The following GALNT18 variants were observed in gnomAD, a reference collection of about 807,000 sequenced individuals.
The protein encoded by GALNT18 is GalNAc-transferase 18.
GALNT18 carries 44 observed loss-of-function variants against 69.5 expected under a neutral mutation model. The observed-to-expected ratio is 0.63, with a 90% CI of 0.50 to 0.81. The LOEUF (loss-of-function observed/expected upper bound fraction) is 0.81, where lower values mean the gene tolerates loss of function less well. GALNT18 is among the 40% of genes least tolerant of loss of function. The pLI is 0.00. For synonymous variants in GALNT18, 364 were observed against 318.2 expected, an observed-to-expected ratio of 1.14 and a Z score of -1.53; for missense variants, 715 against 810.0, an observed-to-expected ratio of 0.88 and a Z score of 1.42.
intron 3 of GALNT18, among the ~76,000 whole-genome samples, chr11:11,417,687 C>A (rs923979825): frequency 6.6e-6 from 1 of 152,176 alleles, no homozygotes; most frequent in African/African-American, 2.4e-5. Flanking sequence ...TGCATCGGCC[C>A]ACATCCCATA....
chr11:11,497,955 T>A lies in GALNT18; in HGVS notation c.236-49019A>T, dbSNP rs967692562. Among the ~76,000 whole-genome samples, 3 of 152,006 alleles carry A rather than the reference T, an allele frequency of 2.0e-5. No homozygotes were observed. The highest frequency in any genetic ancestry group is 4.4e-5 in the Non-Finnish European group (3 of 67,996). On this transcript the variant is annotated intron_variant, in intron 1 of 10. Transcript: ENST00000227756. The surrounding 1 kb of genome is among the most constrained non-coding windows in gnomAD (Gnocchi z 4.2). ...GGCCTTGTTCAGCTGGTAAAAAAAA[T>A]AAAAAATAAAATTATAATTCATGAC...
intron 1 of GALNT18, among the ~76,000 whole-genome samples, chr11:11,568,522 G>C (rs1042642864): frequency 6.6e-6 from 1 of 152,128 alleles, no homozygotes; most frequent in Non-Finnish European, 1.5e-5. Flanking sequence ...GAAAAAGGTA[G>C]GTTTAATGTT....
At chr11:11,553,272 CAG>C (rs534160094) in intron 1 of GALNT18, among the ~76,000 whole-genome samples, 2 of 152,318 alleles carry the variant, frequency 1.3e-5, no homozygotes, top group African/African-American at 4.8e-5. Flanking sequence ...CCCATGCCAC[CAG>C]GGCGCTGAGG....
chr11:11,388,609 T>C (rs1403361769), intron 3 of GALNT18, among the ~76,000 whole-genome samples: 1 of 152,116 alleles, frequency 6.6e-6, no homozygotes, highest in Non-Finnish European at 1.5e-5. Context: ...TGAGTCTGAG[T>C]TGGGAAGAGA....
rs1020875807 is a variant in GALNT18, at chr11:11,618,715, T to C, written c.235+2644A>G. Among the ~76,000 whole-genome samples, 2 of 152,228 alleles carry C rather than the reference T, an allele frequency of 1.3e-5. No individual in the cohort carries two copies. The highest frequency in any genetic ancestry group is 2.9e-5 in the Non-Finnish European group (2 of 68,046). ...CTCCCTGCCTCAGTTTCCATATCTG[T>C]AAAATGGAGCAAATATTACCTACTT... is the stretch of plus-strand genomic sequence containing the variant. On this transcript the variant is annotated intron_variant, in intron 1 of 10. Coordinates refer to ENST00000227756, the MANE Select transcript of GALNT18 (RefSeq NM_198516.3). The surrounding 1 kb of genome is among the most constrained non-coding windows in gnomAD (Gnocchi z 6.1).
intron 3 of GALNT18, among the ~76,000 whole-genome samples, chr11:11,411,167 A>T (rs918269848): frequency 2.6e-5 from 4 of 152,122 alleles, no homozygotes; most frequent in African/African-American, 9.7e-5. Flanking sequence ...AAAATAAATT[A>T]GCTGGGTGTG....
chr11:11,344,310 G>C (rs559651926), intron 6 of GALNT18, among the ~76,000 whole-genome samples: 30 of 152,070 alleles, frequency 2.0e-4, no homozygotes, highest in African/African-American at 6.5e-4. Flanking sequence ...ACCCAACCCT[G>C]CCTGCCTCCC....
intron 1 of GALNT18, among the ~76,000 whole-genome samples, chr11:11,467,328 A>G (rs1856174595): frequency 6.6e-6 from 1 of 152,294 alleles, no homozygotes; most frequent in South Asian, 2.1e-4. Context: ...AAATCTTCCC[A>G]GTGCCACTGG....
In GALNT18 at chr11:11,314,751, G is replaced by C. The variant is rs1355943062; in HGVS notation, c.1512+12335C>G. On this transcript the variant is annotated intron_variant, in intron 9 of 10. Coordinates refer to ENST00000227756, the MANE Select transcript of GALNT18 (RefSeq NM_198516.3). The surrounding 1 kb of genome is among the most constrained non-coding windows in gnomAD (Gnocchi z 5.2). ...AGTCCTTTGGGCTATGCCCTGTGGA[G>C]GCTGTGGATTCTAAGGAGTCAGTGC... Among the ~76,000 whole-genome samples, 1 of 152,218 alleles carries C rather than the reference G, an allele frequency of 6.6e-6. No individual in the cohort carries two copies. The highest frequency in any genetic ancestry group is 1.9e-4 in the East Asian group (1 of 5,188).
chr11:11,551,891 A>C (rs189353832), intron 1 of GALNT18, among the ~76,000 whole-genome samples: 2 of 152,314 alleles, frequency 1.3e-5, no homozygotes, highest in Admixed American at 1.3e-4. Context: ...CACAAAGTAC[A>C]TTCTCCAGGG....
At chr11:11,366,569 G>C (rs35073096) in intron 6 of GALNT18, among the ~76,000 whole-genome samples, 4,679 of 152,244 alleles carry the variant, frequency 0.031, 99 homozygotes, top group Non-Finnish European at 0.04. Context: ...CATCTATTAG[G>C]ATAATACTAT....
chr11:11,558,980 C>T (rs796814566), intron 1 of GALNT18, among the ~76,000 whole-genome samples: 4 of 152,246 alleles, frequency 2.6e-5, no homozygotes, highest in Admixed American at 2.6e-4. Context: ...CCTGCCAGAG[C>T]TCCAGCCCCA....
chr11:11,326,403 T>C (rs2722766), intron 9 of GALNT18, among the ~76,000 whole-genome samples: 5,193 of 152,302 alleles, frequency 0.034, 236 homozygotes, highest in African/African-American at 0.11. Flanking sequence ...GGGAATGTTA[T>C]CAATTCAGAA....
intron 1 of GALNT18, among the ~76,000 whole-genome samples, chr11:11,530,597 C>T (rs950631933): frequency 1.3e-5 from 2 of 152,214 alleles, no homozygotes; most frequent in Non-Finnish European, 2.9e-5. Context: ...AGGCAAAAGA[C>T]TAAGGAGTTC....
At chr11:11,450,624 A>C (rs1424493290) in intron 1 of GALNT18, among the ~76,000 whole-genome samples, 1 of 152,194 alleles carries the variant, frequency 6.6e-6, no homozygotes, top group Non-Finnish European at 1.5e-5. Context: ...CACTGGGTGC[A>C]CATGCATTAA....
rs1308679450 is a variant in GALNT18, at chr11:11,619,811, G to A, written c.235+1548C>T. 6.6e-6 allele frequency among the ~76,000 whole-genome samples: 1 copy of A among 152,204 alleles called. No homozygotes were observed. Among genetic ancestry groups the A allele is most frequent in the East Asian group, 1.9e-4 (1 of 5,188 alleles). Reference sequence around the variant, plus strand: ...TAACAGCAACTGGCACCCACAGATAGGTAAATTGGTTTTCAAGCCCAGTGC... The same window carrying A: ...TAACAGCAACTGGCACCCACAGATAAGTAAATTGGTTTTCAAGCCCAGTGC... On this transcript the variant is annotated intron_variant, in intron 1 of 10. Transcript: ENST00000227756. This position sits in a 1 kb window ranked among gnomAD's most constrained non-coding sequence, Gnocchi z 4.9.
At position 11,602,339 on chromosome 11, in the gene GALNT18, G is replaced by A. The variant is rs151079138; in HGVS notation, c.235+19020C>T. The stretch of plus-strand genomic sequence containing the variant: ...GGTAAAGCTTCCACCCTGTAAGTAG[G>A]GGCAGCCCCAGACCACTCAACCATG... On this transcript the variant is annotated intron_variant, in intron 1 of 10. Transcript: ENST00000227756. This position sits in a 1 kb window ranked among gnomAD's most constrained non-coding sequence, Gnocchi z 4.7. 1.7e-3 allele frequency among the ~76,000 whole-genome samples: 266 copies of A among 152,222 alleles called. 1 individual carries two copies. The highest frequency in any genetic ancestry group is 6.1e-3 in the African/African-American group (254 of 41,548).
chr11:11,402,931 C>A lies in GALNT18; in HGVS notation c.596-23667G>T, dbSNP rs1854500619. Among the ~76,000 whole-genome samples the A allele has an allele frequency of 2.0e-5, 3 of 152,188 alleles. No homozygotes were observed. In the South Asian group the frequency reaches 6.2e-4, roughly 32 times the overall value. ...AGCTCTAGAAAGTGGGTGCTTCTTT[C>A]TTCTCTGCCCCAGGCATTCCCCTGA... On this transcript the variant is annotated intron_variant, in intron 3 of 10. Transcript: ENST00000227756. The surrounding 1 kb of genome is among the most constrained non-coding windows in gnomAD (Gnocchi z 4.0).
chr11:11,281,443 G>A (rs757590400), intron 10 of GALNT18, among the ~76,000 whole-genome samples: 34 of 152,264 alleles, frequency 2.2e-4, no homozygotes, highest in Non-Finnish European at 3.7e-4. Flanking sequence ...AACGGGCCCG[G>A]ACCAAGTGCC....
Sources: gnomAD v4.1 joint callset for allele counts (sites outside exome capture counted in the v4.1 genomes callset) on GRCh38, gnomAD v4.1.1 for gene constraint, Gnocchi (gnomAD v3.1) non-coding constraint, MANE v1.5 for transcripts, NCBI Gene and HGNC (gene_info 2026-07-23, HGNC 2026-07-21) for gene names.